Variants in ZMAT4 observed in about 807,000 individuals in gnomAD.
The protein encoded by ZMAT4 is zinc finger matrin-type 4.
ZMAT4 carries 17 observed loss-of-function variants against 28.7 expected under a neutral mutation model. The ratio of observed to expected loss-of-function variants is 0.59; its 90% CI spans 0.41 to 0.89. The LOEUF (loss-of-function observed/expected upper bound fraction) is 0.89. ZMAT4 is among the 40% of genes least tolerant of loss of function. The pLI is 0.00. For missense variants in ZMAT4, 240 were observed against 283.8 expected (o/e 0.85, Z 1.11); for synonymous variants, 117 against 109.2 (o/e 1.07, Z -0.44).
chr8:40,555,315 TCC>T (rs1803498791), intron 6 of ZMAT4, among the ~76,000 whole-genome samples: 1 of 152,200 alleles, frequency 6.6e-6, no homozygotes, highest in African/African-American at 2.4e-5. Flanking sequence ...TGATGTATTT[TCC>T]TTTGGATGAA....
intron 1 of ZMAT4, among the ~76,000 whole-genome samples, chr8:40,836,346 T>A (rs1164015648): frequency 6.6e-6 from 1 of 152,156 alleles, no homozygotes; most frequent in Non-Finnish European, 1.5e-5. Flanking sequence ...CACAGGAGGA[T>A]AAGCTGAAAG....
At chr8:40,799,428 G>A (rs549519835) in intron 2 of ZMAT4, among the ~76,000 whole-genome samples, 29 of 152,252 alleles carry the variant, frequency 1.9e-4, no homozygotes, top group Non-Finnish European at 2.1e-4. Context: ...CAAAAGCAAA[G>A]ACAGAAAAAG....
chr8:40,705,742 C>T (rs1810323829), intron 3 of ZMAT4, among the ~76,000 whole-genome samples: 1 of 152,072 alleles, frequency 6.6e-6, no homozygotes, highest in Non-Finnish European at 1.5e-5. Flanking sequence ...CACTTAACAC[C>T]AACTGTCTTG....
At chr8:40,736,183 C>G (rs1811754507) in intron 3 of ZMAT4, among the ~76,000 whole-genome samples, 2 of 152,278 alleles carry the variant, frequency 1.3e-5, no homozygotes, top group South Asian at 4.1e-4. Flanking sequence ...ACAATAGCCT[C>G]AGGAACATGG....
chr8:40,581,229 T>C lies in ZMAT4; in HGVS notation c.610A>G (p.Ser204Gly). ...TGTTCTATTGAGTTTAGGGAGACAC[T>C]GCAGATGGTACATCTGTAATTGCGC... ...LRRNYRCTIC[S>G]VSLNSIEQYH... Residue 204 changes from serine (S) to glycine (G), a missense_variant, in exon 6 of 7, where the codon AGT (serine) becomes GGT (glycine). Coordinates refer to ENST00000297737, the MANE Select transcript of ZMAT4 (RefSeq NM_024645.3). 6.2e-7 allele frequency: 1 copy of C among 1,613,570 alleles called. No individual in the cohort carries two copies. The highest frequency in any genetic ancestry group is 1.3e-5 in the African/African-American group (1 of 75,028).
intron 2 of ZMAT4, among the ~76,000 whole-genome samples, chr8:40,796,853 A>AAGC (rs1321684686): frequency 6.6e-6 from 1 of 152,160 alleles, no homozygotes; most frequent in Admixed American, 6.5e-5. Flanking sequence ...CCAGAACAGA[A>AAGC]AGCCACCTGC....
intron 1 of ZMAT4, among the ~76,000 whole-genome samples, chr8:40,868,356 C>T (rs1270649734): frequency 6.6e-6 from 1 of 152,162 alleles, no homozygotes. Context: ...GCCTGCAGCT[C>T]CTTGCAGCTC....
intron 6 of ZMAT4, among the ~76,000 whole-genome samples, chr8:40,560,441 T>C (rs1411589507): frequency 2.0e-5 from 3 of 152,024 alleles, no homozygotes; most frequent in Admixed American, 2.0e-4. Context: ...AATCTCAGAA[T>C]GCAGATGAAG....
intron 2 of ZMAT4, among the ~76,000 whole-genome samples, chr8:40,768,326 G>A (rs979420608): frequency 6.6e-6 from 1 of 152,190 alleles, no homozygotes; most frequent in Non-Finnish European, 1.5e-5. Flanking sequence ...ATGCAGTTGA[G>A]CAAATAAAGA....
intron 5 of ZMAT4, among the ~76,000 whole-genome samples, chr8:40,642,977 T>A (rs1260173302): frequency 6.6e-6 from 1 of 152,208 alleles, no homozygotes; most frequent in African/African-American, 2.4e-5. Flanking sequence ...TGTTCCTGTG[T>A]CAGATTCTTC....
intron 6 of ZMAT4, among the ~76,000 whole-genome samples, chr8:40,578,168 A>T (rs1334322898): frequency 1.3e-5 from 2 of 152,180 alleles, no homozygotes; most frequent in African/African-American, 2.4e-5. Context: ...TGACATTAGC[A>T]TAAAAAAAGA....
At chr8:40,805,195 C>T (rs1029372663) in intron 2 of ZMAT4, among the ~76,000 whole-genome samples, 10 of 151,794 alleles carry the variant, frequency 6.6e-5, no homozygotes, top group East Asian at 1.9e-4. Context: ...AAAATGCTCA[C>T]CATCACTGGC....
At position 40,731,685 on chromosome 8, in the gene ZMAT4, G is replaced by A. The variant is rs927155366; in HGVS notation, c.193-34284C>T. ...ACTTGAAAACAGCTGTCGTAAAGCT[G>A]ATCAAAGACTACAGGGAAGACACGG... is the stretch of plus-strand genomic sequence containing the variant. On this transcript the variant is annotated intron_variant, in intron 3 of 6. Coordinates refer to ENST00000297737, the MANE Select transcript of ZMAT4 (RefSeq NM_024645.3). Among the ~76,000 whole-genome samples, 4 of 152,176 alleles carry A rather than the reference G, an allele frequency of 2.6e-5. No homozygotes were observed. In the South Asian group the frequency reaches 8.3e-4, roughly 32 times the overall value.
chr8:40,542,163 G>C (rs981361136), intron 6 of ZMAT4, among the ~76,000 whole-genome samples: 1 of 152,136 alleles, frequency 6.6e-6, no homozygotes, highest in African/African-American at 2.4e-5. Context: ...TGCTGAGAAG[G>C]AGAATGGGAA....
intron 3 of ZMAT4, among the ~76,000 whole-genome samples, chr8:40,760,886 G>C (rs1812911476): frequency 6.6e-6 from 1 of 152,086 alleles, no homozygotes; most frequent in Admixed American, 6.6e-5. Context: ...GACAGCTATG[G>C]TCAGCTACAA....
intron 6 of ZMAT4, among the ~76,000 whole-genome samples, chr8:40,578,161 CATT>C (rs1298848292): frequency 1.3e-5 from 2 of 151,928 alleles, no homozygotes; most frequent in East Asian, 1.9e-4. Flanking sequence ...AGTAATGTGA[CATT>C]AGCATAAAAA....
chr8:40,668,573 T>C (rs1432952407), intron 5 of ZMAT4, among the ~76,000 whole-genome samples: 1 of 148,980 alleles, frequency 6.7e-6, no homozygotes, highest in East Asian at 2.0e-4. Context: ...GGAAAAAAAA[T>C]GCCACTAAGG....
intron 3 of ZMAT4, among the ~76,000 whole-genome samples, chr8:40,722,787 C>T (rs6474272): frequency 0.27 from 41,539 of 151,936 alleles, 6,561 homozygotes; most frequent in East Asian, 0.56. Context: ...TTGACTCTAC[C>T]GGGAGAAGGA....
chr8:40,757,682 C>T (rs530691526), intron 3 of ZMAT4, among the ~76,000 whole-genome samples: 2 of 152,096 alleles, frequency 1.3e-5, no homozygotes, highest in African/African-American at 4.8e-5. Context: ...TTTATGTATC[C>T]ATCAAATATC....
Sources: gnomAD v4.1 joint callset for allele counts (sites outside exome capture counted in the v4.1 genomes callset) on GRCh38, gnomAD v4.1.1 for gene constraint, MANE v1.5 for transcripts, NCBI Gene and HGNC (gene_info 2026-07-23, HGNC 2026-07-21) for gene names.